PSMD1: variants seen among roughly 807,000 people sequenced by gnomAD.
PSMD1 encodes the protein proteasome 26S subunit, non-ATPase 1.
PSMD1 carries 18 observed loss-of-function variants against 119.0 expected under a neutral mutation model. That is an observed-to-expected ratio of 0.15 (90% confidence interval 0.10 to 0.22). PSMD1 has a LOEUF of 0.22. Ranked by LOEUF, PSMD1 falls within the 10% of genes least tolerant of loss-of-function variation. The pLI is 1.00. For synonymous variants in PSMD1, 374 were observed against 396.6 expected (o/e 0.94, Z 0.68); for missense variants, 702 against 1,158.5 (o/e 0.61, Z 5.72).
intron 24 of PSMD1, among the ~76,000 whole-genome samples, 157 bp from the exon 25 acceptor site, chr2:231,172,378 T>C (rs1696933101): frequency 6.6e-6 from 1 of 152,234 alleles, no homozygotes; most frequent in Non-Finnish European, 1.5e-5. Context: ...GTTTGGAAAC[T>C]ATAATCTGTC....
intron 23 of PSMD1, among the ~76,000 whole-genome samples, chr2:231,168,761 T>C (rs1348766967): frequency 6.6e-6 from 1 of 152,234 alleles, no homozygotes; most frequent in Admixed American, 6.5e-5. Context: ...ATGTACTAAA[T>C]TGTACGCTTT....
At chr2:231,171,174 T>C (rs552401258) in intron 24 of PSMD1, among the ~76,000 whole-genome samples, 3 of 152,358 alleles carry the variant, frequency 2.0e-5, no homozygotes, top group East Asian at 3.9e-4. Context: ...AGCACAAATA[T>C]AGGCTTCTCA....
intron 5 of PSMD1, among the ~76,000 whole-genome samples, chr2:231,069,313 ATTTT>A (rs1693983217): frequency 6.6e-6 from 1 of 151,764 alleles, no homozygotes; most frequent in Non-Finnish European, 1.5e-5. Flanking sequence ...TAACTCTGTT[ATTTT>A]TAAATTGTAT....
At chr2:231,165,637 C>G (rs190869255) in intron 22 of PSMD1, among the ~76,000 whole-genome samples, 1 of 152,238 alleles carries the variant, frequency 6.6e-6, no homozygotes, top group Admixed American at 6.5e-5. Flanking sequence ...TTTTTCTGAT[C>G]TCTGCTGGTA....
Position 231,105,455 on chromosome 2 carries a change from G to C in PSMD1, c.1883+18274G>C, listed in dbSNP as rs74764190. ...TCTGAATTATTTTAACTTGACACTG[G>C]AAAGGAAAATGAAGAAAGTCAAAAG... On this transcript the variant is annotated intron_variant, in intron 16 of 24. Coordinates refer to ENST00000308696, the MANE Select transcript of PSMD1 (RefSeq NM_002807.4). Among the ~76,000 whole-genome samples the C allele has an allele frequency of 3.3e-5, 5 of 152,136 alleles. No individual in the cohort carries two copies. In the East Asian group the frequency reaches 7.7e-4, roughly 23 times the overall value.
chr2:231,143,187 GGGTTTGGTTTGGTTT>G (rs3035542), intron 17 of PSMD1, among the ~76,000 whole-genome samples: 70,666 of 145,114 alleles, frequency 0.49, 18,683 homozygotes, highest in Non-Finnish European at 0.59. Context: ...GGAACGTTGT[GGGTTTGGTTTGGTTT>G]GGTTTGGTTT....
intron 12 of PSMD1, 111 bp downstream of exon 12, chr2:231,080,425 A>T: frequency 1.1e-6 from 1 of 906,542 alleles, no homozygotes; most frequent in South Asian, 2.4e-5. Flanking sequence ...AATACCCAAA[A>T]CAACTGTCAT....
intron 16 of PSMD1, chr2:231,124,937 T>C (rs984045883): frequency 1.3e-5 from 2 of 152,206 alleles, no homozygotes; most frequent in African/African-American, 4.8e-5. Context: ...AAAAAACCTT[T>C]AGATTAATTC....
chr2:231,078,796 T>A, intron 10 of PSMD1, 49 bp downstream of exon 10: 2 of 1,239,440 alleles, frequency 1.6e-6, no homozygotes, highest in African/African-American at 1.6e-5. Flanking sequence ...TTTTTCTTTT[T>A]TTTTTTTTTT....
Position 231,130,185 on chromosome 2 carries a change from A to G in PSMD1, c.1884-8551A>G, listed in dbSNP as rs1448434368. Among the ~76,000 whole-genome samples, 5 of 152,340 alleles carry G rather than the reference A, an allele frequency of 3.3e-5. No homozygotes were observed. In the East Asian group the frequency reaches 9.6e-4, roughly 29 times the overall value. ...AAGAATAAAATAAAGGAGAACAAGA[A>G]AAGTTCCTCAGATTCCCACAACATG... On this transcript the variant is annotated intron_variant, in intron 16 of 24. Coordinates refer to ENST00000308696, the MANE Select transcript of PSMD1 (RefSeq NM_002807.4).
At chr2:231,133,031 T>C (rs1051099709) in intron 16 of PSMD1, among the ~76,000 whole-genome samples, 1 of 152,076 alleles carries the variant, frequency 6.6e-6, no homozygotes, top group Non-Finnish European at 1.5e-5. Flanking sequence ...TCTTTGTGGG[T>C]TTTTAAATGT....
intron 5 of PSMD1, among the ~76,000 whole-genome samples, chr2:231,069,205 A>C (rs1043338178): frequency 3.9e-5 from 6 of 152,180 alleles, no homozygotes; most frequent in African/African-American, 1.2e-4. Context: ...AAAAAAGCAG[A>C]GTAACAAATG....
intron 16 of PSMD1, among the ~76,000 whole-genome samples, chr2:231,116,575 A>G (rs1695341430): frequency 6.6e-6 from 1 of 152,084 alleles, no homozygotes; most frequent in African/African-American, 2.4e-5. Flanking sequence ...GAAAATTCAT[A>G]TAAAAAGTAC....
At chr2:231,145,283 G>A (rs773255399) in intron 17 of PSMD1, among the ~76,000 whole-genome samples, 15 of 152,244 alleles carry the variant, frequency 9.9e-5, no homozygotes, top group South Asian at 2.1e-4. Flanking sequence ...ATACCTGTAC[G>A]TCATGTTACT....
chr2:231,142,255 A>G (rs1482955577), intron 17 of PSMD1, among the ~76,000 whole-genome samples: 2 of 152,194 alleles, frequency 1.3e-5, no homozygotes, highest in Admixed American at 6.5e-5. Flanking sequence ...ATGAGAATGT[A>G]TCTTCAGTTT....
intron 3 of PSMD1, 80 bp from the exon 4 acceptor site, chr2:231,062,426 T>G: frequency 6.5e-7 from 1 of 1,549,518 alleles, no homozygotes; most frequent in Non-Finnish European, 8.8e-7. Context: ...TTAACTGAAT[T>G]GTGGCTTGAA....
intron 18 of PSMD1, among the ~76,000 whole-genome samples, chr2:231,149,347 A>G (rs989515609): frequency 6.6e-5 from 10 of 152,228 alleles, no homozygotes; most frequent in East Asian, 3.9e-4. Flanking sequence ...TAAATTATCT[A>G]TCTTTTGTTT....
Position 231,085,229 on chromosome 2 carries a change from G to A in PSMD1, c.1818+115G>A, listed in dbSNP as rs867722169. 6.6e-5 allele frequency: 56 copies of A among 844,596 alleles called. No homozygotes were observed. The Middle Eastern group carries it at 6.3e-3, about 95-fold the overall frequency. The allele number at this position is 844,596 out of a possible 1,614,324, so 52.3% of individuals were successfully genotyped here. On this transcript the variant is annotated intron_variant, in intron 15 of 24. Transcript: ENST00000308696. ...GCATGACCACCACCAGTGGTCTTAG[G>A]TTGTGATTCTCATTTACTGGACCCA... is the stretch of plus-strand genomic sequence containing the variant.
chr2:231,067,912 C>G (rs907214611), intron 5 of PSMD1, among the ~76,000 whole-genome samples: 1 of 152,148 alleles, frequency 6.6e-6, no homozygotes, highest in East Asian at 1.9e-4. Context: ...CCGTCTCAGC[C>G]GCCCAAAGTG....
Sources: allele counts gnomAD v4.1 joint callset (sites outside exome capture counted in the v4.1 genomes callset), GRCh38; gene constraint gnomAD v4.1.1; transcripts MANE v1.5; gene names NCBI Gene and HGNC (gene_info 2026-07-23, HGNC 2026-07-21).